Variants in GTF3C1 observed in about 807,000 individuals in gnomAD.
The protein encoded by GTF3C1 is general transcription factor 3C polypeptide 1.
In GTF3C1, 57 loss-of-function variants were observed where a neutral mutation model predicts 226.7. That is an observed-to-expected ratio of 0.25 (90% CI 0.20 to 0.31). The LOEUF (loss-of-function observed/expected upper bound fraction) is 0.31, where lower values mean the gene tolerates loss of function less well. GTF3C1 is among the 10% of genes least tolerant of loss of function. The probability of loss-of-function intolerance (pLI) is 1.00; values close to 1 mark genes in which losing one functional copy is unlikely to be tolerated. For synonymous variants in GTF3C1, 1,090 were observed against 1,084.8 expected, an observed-to-expected ratio of 1.00 and a Z score of -0.09; for missense variants, 2,217 against 2,776.1, an observed-to-expected ratio of 0.80 and a Z score of 4.53.
intron 7 of GTF3C1, among the ~76,000 whole-genome samples, chr16:27,509,490 C>T (rs1239681244): frequency 1.3e-5 from 2 of 152,080 alleles, no homozygotes; most frequent in African/African-American, 4.8e-5. Context: ...GGGTGCAGTG[C>T]CTCACTCCTG....
intron 19 of GTF3C1, among the ~76,000 whole-genome samples, chr16:27,491,596 G>A (rs1167036074): frequency 1.3e-5 from 2 of 152,122 alleles, no homozygotes; most frequent in Non-Finnish European, 2.9e-5. Context: ...GTGGGAGGGA[G>A]GGTCCTTCTA....
intron 6 of GTF3C1, among the ~76,000 whole-genome samples, chr16:27,517,702 GAGA>G (rs531869310): frequency 1.0e-3 from 152 of 152,364 alleles, no homozygotes; most frequent in Non-Finnish European, 1.5e-3. Context: ...AAGAGAAAAA[GAGA>G]AGGAGTGACT....
Position 27,470,744 on chromosome 16 carries a change from A to G in GTF3C1, c.4527-349T>C, listed in dbSNP as rs2087855262. Reference sequence around the variant, plus strand: ...GGATGGTGAACACGCTTTCTGTAATAATAGTCTCCGCACAAAGCCAGCCCT... The same window carrying G: ...GGATGGTGAACACGCTTTCTGTAATGATAGTCTCCGCACAAAGCCAGCCCT... On this transcript the variant is annotated intron_variant, in intron 30 of 36. Coordinates refer to ENST00000356183, the MANE Select transcript of GTF3C1 (RefSeq NM_001520.4). The surrounding 1 kb of genome is among the most constrained non-coding windows in gnomAD (Gnocchi z 4.9). 2 of 281,530 alleles carry G rather than the reference A, an allele frequency of 7.1e-6. No homozygotes were observed. Among genetic ancestry groups the G allele is most frequent in the South Asian group, 9.0e-5 (2 of 22,180 alleles). 17.4% of individuals were successfully genotyped at this position (281,530 alleles called of 1,614,324 possible).
Position 27,507,244 on chromosome 16 carries a change from T to C in GTF3C1, c.1243-88A>G. 1 of 1,020,334 alleles carries C rather than the reference T, an allele frequency of 9.8e-7. No homozygotes were observed. The highest frequency in any genetic ancestry group is 1.4e-6 in the Non-Finnish European group (1 of 691,970). The allele number at this position is 1,020,334 out of a possible 1,614,324, so 63.2% of individuals were successfully genotyped here. On this transcript the variant is annotated intron_variant, in intron 8 of 36. Coordinates refer to ENST00000356183, the MANE Select transcript of GTF3C1 (RefSeq NM_001520.4). This position sits in a 1 kb window ranked among gnomAD's most constrained non-coding sequence, Gnocchi z 4.9. ...GTGGTCTGTGGCATCTATTTCCTTA[T>C]TGGCTTTCTTCTGTTTCTCCTGTCT...
At chr16:27,513,599 C>T (rs1349835882) in intron 6 of GTF3C1, among the ~76,000 whole-genome samples, 1 of 152,060 alleles carries the variant, frequency 6.6e-6, no homozygotes, top group African/African-American at 2.4e-5. Flanking sequence ...CTCCTAGAAA[C>T]CAAAAAAGGC....
Position 27,470,026 on chromosome 16 carries a change from G to A in GTF3C1, c.4814+82C>T. ...CTCCCATCCCACAAGCTCCCAGAAG[G>A]CACTGCTGACCCCTGCCCGTCTGTA... On this transcript the variant is annotated intron_variant, in intron 31 of 36. Coordinates refer to ENST00000356183, the MANE Select transcript of GTF3C1 (RefSeq NM_001520.4). This position sits in a 1 kb window ranked among gnomAD's most constrained non-coding sequence, Gnocchi z 4.9. The A allele has an allele frequency of 1.8e-6, 2 of 1,103,666 alleles. No individual in the cohort carries two copies. Among genetic ancestry groups the A allele is most frequent in the Non-Finnish European group, 2.7e-6 (2 of 753,840 alleles). 68.4% of individuals were successfully genotyped at this position (1,103,666 alleles called of 1,614,324 possible). A position where few individuals can be genotyped will look rare whatever the true frequency, so the allele number is the denominator to read the frequency against.
rs2087864149 is a variant in GTF3C1 at position 27,471,247 on chromosome 16, T to C, written c.4526+501A>G. ...TCTCTGCGTGTGGTCAGGAGGCTGGTGGTGCAACGCCCTCTGCGGCATGAA... is the reference window on the plus strand; with the variant it reads ...TCTCTGCGTGTGGTCAGGAGGCTGGCGGTGCAACGCCCTCTGCGGCATGAA... On this transcript the variant is annotated intron_variant, in intron 30 of 36. Transcript: ENST00000356183. The surrounding 1 kb of genome is among the most constrained non-coding windows in gnomAD (Gnocchi z 5.0). Among the ~76,000 whole-genome samples, 1 of 152,150 alleles carries C rather than the reference T, an allele frequency of 6.6e-6. No homozygotes were observed.
intron 14 of GTF3C1, among the ~76,000 whole-genome samples, chr16:27,496,970 G>A (rs537583495): frequency 1.3e-3 from 197 of 152,308 alleles, no homozygotes; most frequent in Middle Eastern, 3.4e-3. Context: ...AGGCCACACC[G>A]TGGGGCTGCA....
At chr16:27,548,750 A>G (rs1251655573) in intron 1 of GTF3C1, among the ~76,000 whole-genome samples, 1 of 152,236 alleles carries the variant, frequency 6.6e-6, no homozygotes, top group Non-Finnish European at 1.5e-5. Flanking sequence ...CGATAACAGC[A>G]CCTACCTCAT....
intron 10 of GTF3C1, among the ~76,000 whole-genome samples, chr16:27,503,566 T>G (rs531777197): frequency 9.8e-5 from 15 of 152,314 alleles, no homozygotes; most frequent in African/African-American, 3.4e-4. Flanking sequence ...AGCGGGGCTC[T>G]TGAGTTCAGA....
rs76894755 is a variant in GTF3C1, at chr16:27,464,285, G to C, written c.5872+35C>G. The C allele has an allele frequency of 3.6e-6, 5 of 1,382,236 alleles. No homozygotes were observed. In the South Asian group the frequency reaches 8.6e-5, roughly 24 times the overall value. 85.6% of individuals were successfully genotyped at this position (1,382,236 alleles called of 1,614,324 possible). The stretch of plus-strand genomic sequence containing the variant: ...GCGGAGGGGAGGGAAAGCCAGGGTG[G>C]GGTGAGGTGGGGTGGGGGACAAGGC... On this transcript the variant is annotated intron_variant, in intron 34 of 36. Coordinates refer to ENST00000356183, the MANE Select transcript of GTF3C1 (RefSeq NM_001520.4).
chr16:27,503,977 A>AG (rs201007020), intron 10 of GTF3C1, among the ~76,000 whole-genome samples: 1,819 of 152,296 alleles, frequency 0.012, 22 homozygotes, highest in Non-Finnish European at 0.016. Flanking sequence ...TCTTTGCTGA[A>AG]GGGGGAAAGA....
In GTF3C1 at chr16:27,495,316, G is replaced by T; in HGVS notation, c.2527C>A (p.Pro843Thr). 6.2e-7 allele frequency: 1 copy of T among 1,613,636 alleles called. No individual in the cohort carries two copies. Among genetic ancestry groups the T allele is most frequent in the Non-Finnish European group, 8.5e-7 (1 of 1,179,586 alleles). ...TCCCAGGCACTTCCAGAGGAGGACG[G>T]CCGGACGCCTGCCCTGCCTGACTCC... ...KQESGRAGVR[P>T]SSSGSAWEAC... Residue 843 changes from proline to threonine, a missense_variant, in exon 15 of 37, where the codon CCG (proline) becomes ACG (threonine). This residue lies in a region of GTF3C1 where 353 missense variants were observed against 411.7 expected (regional missense o/e 0.86). Coordinates refer to ENST00000356183, the MANE Select transcript of GTF3C1 (RefSeq NM_001520.4).
intron 27 of GTF3C1, 91 bp downstream of exon 27, chr16:27,480,988 C>T (rs1002331727): frequency 1.9e-5 from 19 of 1,011,760 alleles, no homozygotes; most frequent in African/African-American, 3.2e-5. Flanking sequence ...AGGTGCTGTG[C>T]GCTTCCCGGA....
intron 26 of GTF3C1, among the ~76,000 whole-genome samples, chr16:27,482,740 G>A (rs562893296): frequency 6.6e-6 from 1 of 152,304 alleles, no homozygotes; most frequent in South Asian, 2.1e-4. Context: ...CCCAGTCTGC[G>A]AGCTTTCTAG....
chr16:27,522,102 A>T (rs1258954116), intron 6 of GTF3C1, among the ~76,000 whole-genome samples: 4 of 152,232 alleles, frequency 2.6e-5, no homozygotes, highest in African/African-American at 9.6e-5. Flanking sequence ...ACTTTTTAAA[A>T]TTTTAATAGC....
chr16:27,513,021 T>C (rs2088600421), intron 6 of GTF3C1, among the ~76,000 whole-genome samples: 1 of 152,252 alleles, frequency 6.6e-6, no homozygotes, highest in East Asian at 1.9e-4. Flanking sequence ...ACATGTTGCC[T>C]TCCATGGCCA....
At chr16:27,541,625 G>A (rs2031945650) in intron 2 of GTF3C1, among the ~76,000 whole-genome samples, 1 of 152,206 alleles carries the variant, frequency 6.6e-6, no homozygotes. Flanking sequence ...ACTTCCAGAG[G>A]AGTCAGGTTG....
chr16:27,509,233 G>A (rs910184676), intron 7 of GTF3C1, among the ~76,000 whole-genome samples: 8 of 152,138 alleles, frequency 5.3e-5, no homozygotes, highest in African/African-American at 9.7e-5. Flanking sequence ...ACTGGCCCCC[G>A]CTGTTGCTGT....
Sources: gnomAD v4.1 joint callset for allele counts (sites outside exome capture counted in the v4.1 genomes callset) on GRCh38, gnomAD v4.1.1 for gene constraint, gnomAD v4.1.1 regional missense constraint, Gnocchi (gnomAD v3.1) non-coding constraint, MANE v1.5 for transcripts, NCBI Gene and HGNC (gene_info 2026-07-23, HGNC 2026-07-21) for gene names.